ADARB1: variants seen among roughly 807,000 people sequenced by gnomAD.
ADARB1 encodes the protein adenosine deaminase RNA specific B1.
ADARB1 carries 10 observed loss-of-function variants against 52.4 expected under a neutral mutation model. The ratio of observed to expected loss-of-function variants is 0.19; its 90% CI spans 0.12 to 0.32. The LOEUF (loss-of-function observed/expected upper bound fraction) is 0.32. ADARB1 is among the 10% of genes least tolerant of loss of function. The probability of loss-of-function intolerance (pLI) is 1.00; values close to 1 mark genes in which losing one functional copy is unlikely to be tolerated. For missense variants in ADARB1, 643 were observed against 922.3 expected, an observed-to-expected ratio of 0.70 and a Z score of 3.92; for synonymous variants, 349 against 371.1, an observed-to-expected ratio of 0.94 and a Z score of 0.68.
At chr21:45,192,699 C>G (rs1167787572) in intron 8 of ADARB1, among the ~76,000 whole-genome samples, 1 of 151,878 alleles carries the variant, frequency 6.6e-6, no homozygotes, top group Non-Finnish European at 1.5e-5. Context: ...AAAGAGTTCA[C>G]CTGGAAAATG....
intron 1 of ADARB1, among the ~76,000 whole-genome samples, chr21:45,093,913 A>T (rs437833): frequency 0.94 from 143,552 of 152,326 alleles, 67,699 homozygotes; most frequent in East Asian, 0.98. Context: ...AAGTGTCTGA[A>T]AAAATAAAAT....
chr21:45,093,083 A>G (rs1483904703), intron 1 of ADARB1, among the ~76,000 whole-genome samples: 1 of 152,090 alleles, frequency 6.6e-6, no homozygotes, highest in East Asian at 1.9e-4. Flanking sequence ...TATTCACACA[A>G]TAGGCACAGT....
rs865777410 is a variant in ADARB1, at chr21:45,153,821, A to G, written c.-47-17789A>G. On this transcript the variant is annotated intron_variant, in intron 2 of 10. Coordinates refer to ENST00000348831, the MANE Select transcript of ADARB1 (RefSeq NM_001112.4). ...ACTGACGGGCGGTCTCAGGACAGCC[A>G]GTCTGTGCGGCCCCCTCTGCCCTCA... Among the ~76,000 whole-genome samples, 113 of 152,250 alleles carry G rather than the reference A, an allele frequency of 7.4e-4. No individual in the cohort carries two copies. The Middle Eastern group carries it at 0.014, about 18-fold the overall frequency.
intron 7 of ADARB1, 76 bp from the exon 8 acceptor site, chr21:45,184,847 A>G (rs1421461158): frequency 9.9e-6 from 14 of 1,418,368 alleles, no homozygotes; most frequent in East Asian, 2.3e-5. Context: ...TTTATAAGCT[A>G]TTGTTAGATG....
intron 1 of ADARB1, among the ~76,000 whole-genome samples, chr21:45,083,279 C>T (rs1357689925): frequency 5.3e-5 from 8 of 152,198 alleles, no homozygotes; most frequent in Admixed American, 1.3e-4. Context: ...CTTCTGAAAA[C>T]GTATGCTTTT....
At chr21:45,139,027 T>G (rs2089554214) in intron 2 of ADARB1, among the ~76,000 whole-genome samples, 1 of 152,070 alleles carries the variant, frequency 6.6e-6, no homozygotes. Flanking sequence ...TTCAAGCGAT[T>G]CACCTGCCAC....
chr21:45,109,318 G>A (rs1037488036), intron 1 of ADARB1, among the ~76,000 whole-genome samples: 6 of 152,166 alleles, frequency 3.9e-5, no homozygotes, highest in South Asian at 2.1e-4. Context: ...GTGTGTGCGC[G>A]CGTGTGCGTA....
chr21:45,191,417 G>T (rs1192069350), intron 8 of ADARB1, among the ~76,000 whole-genome samples: 1 of 152,076 alleles, frequency 6.6e-6, no homozygotes, highest in African/African-American at 2.4e-5. Flanking sequence ...TTCCTACAGG[G>T]TTTTAGTAGG....
chr21:45,096,613 TC>T (rs1053113845), intron 1 of ADARB1, among the ~76,000 whole-genome samples: 1 of 152,190 alleles, frequency 6.6e-6, no homozygotes, highest in Non-Finnish European at 1.5e-5. Flanking sequence ...CCCATGTACT[TC>T]CTCGAGGCCT....
chr21:45,204,509 C>T lies in ADARB1; in HGVS notation c.1566-46C>T. Reference sequence around the variant, plus strand: ...GCAGGCTTGGGCTGGGCTGCGTCGACACTGAGTCCGAGCTCCCTGAAGACT... The same window carrying T: ...GCAGGCTTGGGCTGGGCTGCGTCGATACTGAGTCCGAGCTCCCTGAAGACT... On this transcript the variant is annotated intron_variant, in intron 8 of 10. Coordinates refer to ENST00000348831, the MANE Select transcript of ADARB1 (RefSeq NM_001112.4). This position sits in a 1 kb window ranked among gnomAD's most constrained non-coding sequence, Gnocchi z 4.4. 6.3e-7 allele frequency: 1 copy of T among 1,590,814 alleles called. No homozygotes were observed. The highest frequency in any genetic ancestry group is 1.1e-5 in the South Asian group (1 of 89,136).
chr21:45,184,182 C>T (rs967227076), intron 7 of ADARB1, among the ~76,000 whole-genome samples: 4 of 152,126 alleles, frequency 2.6e-5, no homozygotes, highest in Admixed American at 6.5e-5. Context: ...GATGTTTTAC[C>T]ATACTTTCCA....
chr21:45,191,876 A>AT (rs2092303323), intron 8 of ADARB1, among the ~76,000 whole-genome samples: 1 of 35,086 alleles, frequency 2.9e-5, no homozygotes, highest in Non-Finnish European at 5.2e-5. Flanking sequence ...ATATATATAT[A>AT]TATATTTTTT....
rs2091694729 is a variant in ADARB1 at position 45,176,337 on chromosome 21, G to A, written c.636G>A (p.Pro212=). 6.2e-7 allele frequency: 1 copy of A among 1,614,002 alleles called. No homozygotes were observed. The highest frequency in any genetic ancestry group is 1.3e-5 in the African/African-American group (1 of 75,042). The change falls in exon 4 of 11, where the codon CCG becomes CCA. Residue 212 remains proline (P), a synonymous_variant. Coordinates refer to ENST00000348831, the MANE Select transcript of ADARB1 (RefSeq NM_001112.4). This position sits in a 1 kb window ranked among gnomAD's most constrained non-coding sequence, Gnocchi z 5.8. ...SSGDLSLSAS[P]VPASLAQPPL... ...GGGACCTCAGCTTGTCTGCTTCCCCGGTGCCTGCCAGCCTAGCCCAGCCTC... is the reference window on the plus strand; with the variant it reads ...GGGACCTCAGCTTGTCTGCTTCCCCAGTGCCTGCCAGCCTAGCCCAGCCTC...
chr21:45,180,443 A>T lies in ADARB1; in HGVS notation c.1077A>T (p.Thr359=). Residue 359 remains threonine, a splice_region_variant and synonymous_variant, in exon 5 of 11, where the codon ACA becomes ACT. Coordinates refer to ENST00000348831, the MANE Select transcript of ADARB1 (RefSeq NM_001112.4). ...RKVLAGVVMT[T]GTDVKDAKVI... ...TGCTGGCTGGAGTCGTCATGACAAC[A>T]GGTAACCATCTTGGTGTTGTATGTA... 6.2e-7 allele frequency: 1 copy of T among 1,611,358 alleles called. No individual in the cohort carries two copies. The highest frequency in any genetic ancestry group is 1.1e-5 in the South Asian group (1 of 90,820).
At chr21:45,099,609 A>G (rs974976278) in intron 1 of ADARB1, among the ~76,000 whole-genome samples, 2 of 152,232 alleles carry the variant, frequency 1.3e-5, no homozygotes, top group South Asian at 2.1e-4. Flanking sequence ...GGACCACTCC[A>G]GCCTGGGTGA....
chr21:45,152,415 G>T (rs977407405), intron 2 of ADARB1, among the ~76,000 whole-genome samples: 1 of 152,106 alleles, frequency 6.6e-6, no homozygotes, highest in Non-Finnish European at 1.5e-5. Context: ...GTGGTGTGTG[G>T]GCCCCTTCAG....
intron 1 of ADARB1, among the ~76,000 whole-genome samples, chr21:45,126,453 C>A (rs1259995817): frequency 6.6e-6 from 1 of 152,188 alleles, no homozygotes; most frequent in African/African-American, 2.4e-5. Context: ...GTGTTTTTGA[C>A]CATCTTTTAT....
In ADARB1 at chr21:45,222,691, G is replaced by A; in HGVS notation, c.*494G>A. The A allele has an allele frequency of 1.0e-6, 1 of 986,710 alleles. No homozygotes were observed. The highest frequency in any genetic ancestry group is 4.7e-5 in the South Asian group (1 of 21,334). The allele number at this position is 986,710 out of a possible 1,614,324, so 61.1% of individuals were successfully genotyped here. A position where few individuals can be genotyped will look rare whatever the true frequency, so the allele number is the denominator to read the frequency against. ...ATATATGGAGGAGGGTGGGAAAATA[G>A]AGGTAGGAAATAGTAGCCTAAAGGA... On this transcript the variant is annotated 3_prime_UTR_variant, in exon 11 of 11. Coordinates refer to ENST00000348831, the MANE Select transcript of ADARB1 (RefSeq NM_001112.4).
At chr21:45,199,062 G>A (rs947212427) in intron 8 of ADARB1, among the ~76,000 whole-genome samples, 1 of 152,154 alleles carries the variant, frequency 6.6e-6, no homozygotes, top group Non-Finnish European at 1.5e-5. Context: ...GACCCATGGG[G>A]CAGCACTGGT....
Sources: allele counts gnomAD v4.1 joint callset (sites outside exome capture counted in the v4.1 genomes callset), GRCh38; gene constraint gnomAD v4.1.1; non-coding constraint Gnocchi (gnomAD v3.1); transcripts MANE v1.5; gene names NCBI Gene and HGNC (gene_info 2026-07-23, HGNC 2026-07-21).